Variants in CELF2 observed in about 807,000 individuals in gnomAD.
CELF2 encodes CUGBP Elav-like family member 2, also known as CUG triplet repeat RNA-binding protein 2.
In CELF2, 8 loss-of-function variants were observed where a neutral mutation model predicts 62.6. The observed-to-expected ratio is 0.13, with a 90% CI of 0.07 to 0.23. The LOEUF (loss-of-function observed/expected upper bound fraction) is 0.23, where lower values mean the gene tolerates loss of function less well. CELF2 is among the 10% of genes least tolerant of loss of function. The probability of loss-of-function intolerance (pLI) is 1.00; values close to 1 mark genes in which losing one functional copy is unlikely to be tolerated. For synonymous variants in CELF2, 258 were observed against 250.0 expected (o/e 1.03, Z -0.30); for missense variants, 333 against 671.0 (o/e 0.50, Z 5.56).
At chr10:11,000,500 C>T (rs758330402), upstream of CELF2, among the ~76,000 whole-genome samples, 12 of 152,150 alleles carry the variant, frequency 7.9e-5, no homozygotes, top group East Asian at 1.9e-4. Flanking sequence ...ATCATTCCTG[C>T]GCCCTGCTCC....
At chr10:10,514,548 C>A in the CELF2 span, among the ~76,000 whole-genome samples, 1,414 of 152,322 alleles carry the variant, frequency 9.3e-3, 17 homozygotes, top group African/African-American at 0.032. Context: ...CCTGGCACTT[C>A]CTGAGGGAGG....
rs894570123 is a variant in CELF2 at position 11,010,199 on chromosome 10, A to C, written c.53+4759A>C. ...GATGCCTTTAAGGTATCATGTCTGT[A>C]AATGAAAACTCATGTTGACCTTGTT... On this transcript the variant is annotated intron_variant, in intron 1 of 12. Transcript: ENST00000416382. The surrounding 1 kb of genome is among the most constrained non-coding windows in gnomAD (Gnocchi z 4.1). The C allele has an allele frequency of 1.3e-5, 2 of 152,224 alleles. No homozygotes were observed. Among genetic ancestry groups the C allele is most frequent in the Non-Finnish European group, 2.9e-5 (2 of 68,052 alleles). 9.4% of individuals were successfully genotyped at this position (152,224 alleles called of 1,614,324 possible).
At chr10:11,208,398 G>GTA (rs1201861155) in intron 2 of CELF2, among the ~76,000 whole-genome samples, 1 of 152,206 alleles carries the variant, frequency 6.6e-6, no homozygotes, top group Non-Finnish European at 1.5e-5. Context: ...GTCCAACAAA[G>GTA]TGTGCCTAGG....
chr10:10,973,654 C>T (rs1409914737), intron 2 of CELF2, among the ~76,000 whole-genome samples: 1 of 152,186 alleles, frequency 6.6e-6, no homozygotes, highest in Non-Finnish European at 1.5e-5. Context: ...GCAGCCTCAA[C>T]CTCCCAGGCT....
chr10:11,136,322 G>T (rs750526939), intron 1 of CELF2, among the ~76,000 whole-genome samples: 5 of 152,198 alleles, frequency 3.3e-5, no homozygotes, highest in Non-Finnish European at 5.9e-5. Flanking sequence ...GTTAAACTTG[G>T]CCGGGCCCGG....
chr10:10,502,706 T>A, the CELF2 span, among the ~76,000 whole-genome samples: 1 of 151,972 alleles, frequency 6.6e-6, no homozygotes, highest in East Asian at 1.9e-4. Context: ...TATTGATTTT[T>A]AAAAAATAGC....
chr10:10,547,692 AGTGTGTGTGT>A, the CELF2 span, among the ~76,000 whole-genome samples: 10 of 138,110 alleles, frequency 7.2e-5, no homozygotes, highest in South Asian at 5.0e-4. Flanking sequence ...AGAGAGAGAG[AGTGTGTGTGT>A]GTGTGTGTGT....
chr10:10,622,463 T>C, the CELF2 span, among the ~76,000 whole-genome samples: 1 of 143,874 alleles, frequency 7.0e-6, no homozygotes, highest in Non-Finnish European at 1.5e-5. Flanking sequence ...CATACATACG[T>C]ATGTGTGTGT....
the CELF2 span, among the ~76,000 whole-genome samples, chr10:10,685,413 GT>G: frequency 2.0e-5 from 3 of 152,122 alleles, no homozygotes; most frequent in Non-Finnish European, 4.4e-5. Flanking sequence ...GAAATTCAAA[GT>G]TTAATGTCAC....
At chr10:10,558,829 G>C in the CELF2 span, among the ~76,000 whole-genome samples, 1 of 152,118 alleles carries the variant, frequency 6.6e-6, no homozygotes, top group Non-Finnish European at 1.5e-5. Flanking sequence ...GCCTAGAGGG[G>C]TTTATAGTAT....
chr10:11,296,415 A>G lies in CELF2; in HGVS notation c.976+7863A>G, dbSNP rs1276866273. ...TAATGAGATTTTTTATTCTCACTAA[A>G]TCACAGAAATTTTTATTTCTGTGAT... On this transcript the variant is annotated intron_variant, in intron 9 of 12. Transcript: ENST00000633077. This position sits in a 1 kb window ranked among gnomAD's most constrained non-coding sequence, Gnocchi z 5.0. Among the ~76,000 whole-genome samples the G allele has an allele frequency of 2.0e-5, 3 of 152,186 alleles. No individual in the cohort carries two copies. The highest frequency in any genetic ancestry group is 2.1e-4 in the South Asian group (1 of 4,832).
At chr10:10,733,904 G>T in the CELF2 span, among the ~76,000 whole-genome samples, 3 of 152,106 alleles carry the variant, frequency 2.0e-5, no homozygotes, top group African/African-American at 7.2e-5. Context: ...TAAATTTAGC[G>T]ACCCTCTTTA....
At chr10:10,661,313 A>T in the CELF2 span, among the ~76,000 whole-genome samples, 2 of 152,230 alleles carry the variant, frequency 1.3e-5, no homozygotes, top group African/African-American at 4.8e-5. Flanking sequence ...TATCATTGAG[A>T]TTCAACTATG....
intron 1 of CELF2, among the ~76,000 whole-genome samples, chr10:11,060,746 TCTGTTTCACA>T (rs1410710197): frequency 6.6e-6 from 1 of 152,244 alleles, no homozygotes; most frequent in Non-Finnish European, 1.5e-5. Flanking sequence ...AGTTTGCATC[TCTGTTTCACA>T]CTTTGGTAAT....
chr10:10,756,923 C>G, the CELF2 span, among the ~76,000 whole-genome samples: 203 of 152,262 alleles, frequency 1.3e-3, no homozygotes, highest in African/African-American at 4.6e-3. Context: ...GCAGGCAGAT[C>G]ATGAGGTCAG....
In CELF2 at chr10:11,217,292, T is replaced by G; in HGVS notation, c.272-133T>G. On this transcript the variant is annotated intron_variant, in intron 2 of 12. Transcript: ENST00000633077. The surrounding 1 kb of genome is among the most constrained non-coding windows in gnomAD (Gnocchi z 5.6). ...GTGTAAATGCTTGAGATGTTGTTAT[T>G]GCTGTTCTCATATGCTTTATTATTT... is the stretch of plus-strand genomic sequence containing the variant. 1 of 573,034 alleles carries G rather than the reference T, an allele frequency of 1.7e-6. No individual in the cohort carries two copies. Among genetic ancestry groups the G allele is most frequent in the Non-Finnish European group, 3.1e-6 (1 of 320,746 alleles). The allele number at this position is 573,034 out of a possible 1,614,324, so 35.5% of individuals were successfully genotyped here. A position where few individuals can be genotyped will look rare whatever the true frequency, so the allele number is the denominator to read the frequency against.
intron 2 of CELF2, among the ~76,000 whole-genome samples, chr10:11,172,129 G>A (rs2069093759): frequency 6.6e-6 from 1 of 152,242 alleles, no homozygotes; most frequent in African/African-American, 2.4e-5. Context: ...TTCTTGAAAA[G>A]CAGGGTTGCT....
rs1002499953 is a variant in CELF2 at position 11,324,651 on chromosome 10, A to T, written c.1295-1185A>T. ...GAAGTTTTCTTTGTGAAAAGTCCCA[A>T]TCATTAGGATACTTTCTTGTGATGT... On this transcript the variant is annotated intron_variant, in intron 11 of 12. Transcript: ENST00000633077. The surrounding 1 kb of genome is among the most constrained non-coding windows in gnomAD (Gnocchi z 4.7). Among the ~76,000 whole-genome samples, 1 of 152,228 alleles carries T rather than the reference A, an allele frequency of 6.6e-6. No individual in the cohort carries two copies. Among genetic ancestry groups the T allele is most frequent in the Non-Finnish European group, 1.5e-5 (1 of 68,034 alleles).
intron 2 of CELF2, chr10:10,948,503 T>G (rs539611377): frequency 3.5e-4 from 53 of 152,284 alleles, no homozygotes; most frequent in African/African-American, 1.3e-3. Flanking sequence ...TAAGACTTGA[T>G]GTTCTGCTAT....
Sources: gnomAD v4.1 joint callset for allele counts (sites outside exome capture counted in the v4.1 genomes callset) on GRCh38, gnomAD v4.1.1 for gene constraint, Gnocchi (gnomAD v3.1) non-coding constraint, MANE v1.5 for transcripts, NCBI Gene and HGNC (gene_info 2026-07-23, HGNC 2026-07-21) for gene names.